SLC38A8: variants seen among roughly 807,000 people sequenced by gnomAD.
SLC38A8 encodes the protein solute carrier family 38 member 8.
A neutral mutation model predicts 46.0 loss-of-function variants in SLC38A8; 65 were observed. The observed-to-expected ratio is 1.41, with a 90% CI of 1.16 to 1.74. SLC38A8 has a LOEUF of 1.74. SLC38A8 is among the 40% of genes most tolerant of loss of function. The pLI, the probability that SLC38A8 is intolerant of heterozygous loss-of-function variation, is 0.00. For synonymous variants in SLC38A8, 447 were observed against 243.7 expected, an observed-to-expected ratio of 1.83 and a Z score of -7.77; for missense variants, 998 against 567.9, an observed-to-expected ratio of 1.76 and a Z score of -7.70.
At chr16:84,027,912 A>G (rs1432733932) in intron 6 of SLC38A8, among the ~76,000 whole-genome samples, 2 of 152,214 alleles carry the variant, frequency 1.3e-5, no homozygotes, top group Admixed American at 1.3e-4. Flanking sequence ...GTTGACAGCA[A>G]AATCAGCTCT....
rs2084937958 is a variant in SLC38A8 at position 84,010,198 on chromosome 16, G to A, written c.1215-321C>T. Among the ~76,000 whole-genome samples, 4 of 149,938 alleles carry A rather than the reference G, an allele frequency of 2.7e-5. No homozygotes were observed. In the South Asian group the frequency reaches 8.5e-4, roughly 32 times the overall value. On this transcript the variant is annotated intron_variant, in intron 10 of 10. Transcript: ENST00000299709. ...CAATTCTCCTGCCTCAGCCTCCCAAGTAACTGGGACTACAGACACACACGA... is the reference window on the plus strand; with the variant it reads ...CAATTCTCCTGCCTCAGCCTCCCAAATAACTGGGACTACAGACACACACGA...
At chr16:84,022,244 C>A (rs1015043250) in intron 7 of SLC38A8, among the ~76,000 whole-genome samples, 1 of 152,194 alleles carries the variant, frequency 6.6e-6, no homozygotes, top group Non-Finnish European at 1.5e-5. Flanking sequence ...AGTGGCCAAC[C>A]AGAAGCCAGC....
chr16:84,017,394 A>C, intron 7 of SLC38A8, 107 bp from the exon 8 acceptor site: 1 of 1,339,144 alleles, frequency 7.5e-7, no homozygotes, highest in Non-Finnish European at 1.0e-6. Context: ...GATTTTCCTT[A>C]GGAGCTGAAA....
Position 84,022,846 on chromosome 16 carries a change from C to T in SLC38A8, c.734G>A (p.Arg245Gln), listed in dbSNP as rs148856738. The change falls in exon 7 of 11, where the codon CGG becomes CAG. Residue 245 changes from arginine (R) to glutamine (Q), a missense_variant. Transcript: ENST00000299709. The stretch of plus-strand genomic sequence containing the variant: ...CACCAGGGCCCAGTGGGAGAGGCTC[C>T]GTTTGCGCATGCTGCAGTAGATGGA... ...AVSIYCSMRK[R>Q]SLSHWALVSV... 3.6e-5 allele frequency: 58 copies of T among 1,611,684 alleles called. No homozygotes were observed. The highest frequency in any genetic ancestry group is 3.3e-4 in the Middle Eastern group (2 of 6,058).
At chr16:84,029,882 G>A (rs1472460750) in intron 5 of SLC38A8, among the ~76,000 whole-genome samples, 4 of 152,168 alleles carry the variant, frequency 2.6e-5, no homozygotes, top group African/African-American at 4.8e-5. Flanking sequence ...TGGCAGGGGC[G>A]GGGGCACCCA....
chr16:84,024,245 G>A (rs987557793), intron 6 of SLC38A8, among the ~76,000 whole-genome samples: 1 of 152,218 alleles, frequency 6.6e-6, no homozygotes, highest in Admixed American at 6.5e-5. Context: ...CTACTGACCA[G>A]AAAAGGTCAT....
intron 5 of SLC38A8, 100 bp downstream of exon 5, chr16:84,031,767 G>T (rs2085241333): frequency 2.0e-6 from 2 of 988,096 alleles, no homozygotes; most frequent in Admixed American, 3.7e-5. Flanking sequence ...CCCAGGCTCT[G>T]CAGTGAGCCA....
chr16:84,018,387 AT>A (rs2085057054), intron 7 of SLC38A8, among the ~76,000 whole-genome samples: 1 of 151,522 alleles, frequency 6.6e-6, no homozygotes, highest in African/African-American at 2.4e-5. Flanking sequence ...CGCCCGCCAC[AT>A]TTTTGAATTT....
At chr16:84,029,270 C>T (rs2085207999) in intron 6 of SLC38A8, among the ~76,000 whole-genome samples, 1 of 152,206 alleles carries the variant, frequency 6.6e-6, no homozygotes, top group Non-Finnish European at 1.5e-5. Flanking sequence ...GCTGGATTCC[C>T]AAGTTCAAGG....
chr16:84,035,130 C>G (rs541703404), intron 3 of SLC38A8, among the ~76,000 whole-genome samples: 1 of 152,222 alleles, frequency 6.6e-6, no homozygotes, highest in South Asian at 2.1e-4. Context: ...CGTCCTCTGA[C>G]TAGTCAGGGG....
intron 6 of SLC38A8, among the ~76,000 whole-genome samples, chr16:84,027,632 C>T (rs1355970862): frequency 1.1e-4 from 17 of 152,184 alleles, no homozygotes; most frequent in Non-Finnish European, 8.8e-5. Flanking sequence ...CATTTATTCT[C>T]CCCCGCTTCA....
rs141090373 is a variant in SLC38A8, at chr16:84,024,038, T to C, written c.691-1149A>G. On this transcript the variant is annotated intron_variant, in intron 6 of 10. Transcript: ENST00000299709. ...GGGTTAACTCTTGGCAGCCGCCCTG[T>C]GTGTTTGGGGTGGGGGTGTTGTGCA... 2.4e-3 allele frequency among the ~76,000 whole-genome samples: 372 copies of C among 152,318 alleles called. 14 individuals are homozygous for C. The South Asian group carries it at 0.035, about 14-fold the overall frequency.
chr16:84,038,510 T>C (rs918154156), intron 2 of SLC38A8, among the ~76,000 whole-genome samples: 5 of 152,124 alleles, frequency 3.3e-5, no homozygotes, highest in Non-Finnish European at 4.4e-5. Flanking sequence ...CCAGTGTACA[T>C]CCCCTGGAAT....
rs1165133213 is a variant in SLC38A8 at position 84,041,834 on chromosome 16, G to C, written c.189+135C>G. On this transcript the variant is annotated intron_variant, in intron 2 of 10. Transcript: ENST00000299709. ...ATTATCTTCTCCCCTCATTAGCTGA[G>C]CGGGATAGAAAATAAAACCCCGAAG... The C allele has an allele frequency of 7.6e-6, 6 of 786,106 alleles. No homozygotes were observed. The East Asian group carries it at 1.5e-4, about 20-fold the overall frequency. 48.7% of individuals were successfully genotyped at this position (786,106 alleles called of 1,614,324 possible). A position where few individuals can be genotyped will look rare whatever the true frequency, so the allele number is the denominator to read the frequency against.
chr16:84,036,581 T>G (rs2085301493), intron 3 of SLC38A8, 121 bp downstream of exon 3: 6 of 1,130,638 alleles, frequency 5.3e-6, no homozygotes, highest in Non-Finnish European at 7.6e-6. Flanking sequence ...GAGTGTGGTT[T>G]CAGCCTCTGC....
chr16:84,036,903 G>T lies in SLC38A8; in HGVS notation c.190-3C>A, dbSNP rs746527012. On this transcript the variant is annotated splice_polypyrimidine_tract_variant and splice_region_variant and intron_variant, in intron 2 of 10. Transcript: ENST00000299709. The stretch of plus-strand genomic sequence containing the variant: ...CTGATCAGGAAGACCAACGAGACCT[G>T]CGGAGAAGGAGCAGGACCTGGAACT... 1.2e-6 allele frequency: 2 copies of T among 1,609,016 alleles called. No homozygotes were observed. The highest frequency in any genetic ancestry group is 2.2e-5 in the East Asian group (1 of 44,648).
chr16:84,040,050 T>G (rs1358965465), intron 2 of SLC38A8: 1 of 152,246 alleles, frequency 6.6e-6, no homozygotes, highest in Non-Finnish European at 1.5e-5. Context: ...TTTCATCAAA[T>G]GGCACTAAAC....
At position 84,029,495 on chromosome 16, in the gene SLC38A8, T is replaced by C. The variant is rs1045352091; in HGVS notation, c.689A>G (p.Gln230Arg). Residue 230 changes from glutamine to arginine, a missense_variant and splice_region_variant, in exon 6 of 11, where the codon CAG (glutamine) becomes CGG (arginine). Coordinates refer to ENST00000299709, the MANE Select transcript of SLC38A8 (RefSeq NM_001080442.3). ...SVFPTICFGF[Q>R]CHEAAVSIYC... The stretch of plus-strand genomic sequence containing the variant: ...CTGCAACACAGATGCTAAAATTACC[T>C]GAAACCCGAAGCAGATGGTGGGGAA... 1.2e-6 allele frequency: 2 copies of C among 1,613,882 alleles called. No homozygotes were observed.
chr16:84,031,044 A>T (rs1021742109), intron 5 of SLC38A8, among the ~76,000 whole-genome samples: 1 of 152,012 alleles, frequency 6.6e-6, no homozygotes, highest in African/African-American at 2.4e-5. Context: ...CTTTTTATTA[A>T]TTTTTTTCTT....
Sources: gnomAD v4.1 joint callset for allele counts (sites outside exome capture counted in the v4.1 genomes callset) on GRCh38, gnomAD v4.1.1 for gene constraint, MANE v1.5 for transcripts, NCBI Gene and HGNC (gene_info 2026-07-23, HGNC 2026-07-21) for gene names.